Variants in FAM110B observed in about 807,000 individuals in gnomAD.
FAM110B encodes family with sequence similarity 110 member B.
Under a neutral mutation model 20.4 loss-of-function variants are expected in FAM110B, and 6 were observed. That is an observed-to-expected ratio of 0.29 (90% CI 0.16 to 0.58). The LOEUF is 0.58. FAM110B is among the 20% of genes least tolerant of loss of function. The pLI is 0.90. For synonymous variants in FAM110B, 226 were observed against 214.1 expected, an observed-to-expected ratio of 1.06 and a Z score of -0.49; for missense variants, 434 against 498.2, an observed-to-expected ratio of 0.87 and a Z score of 1.23.
rs1803885904 is a variant in FAM110B at position 58,147,087 on chromosome 8, A to C, written c.857A>C (p.Glu286Ala). ...RFFNYCGLDPEELENLGMENF... is the reference protein window; with the variant it reads ...RFFNYCGLDPAELENLGMENF... ...TTCAACTACTGTGGACTGGACCCGG[A>C]AGAGCTGGAAAACCTGGGAATGGAA... Residue 286 changes from glutamate to alanine, a missense_variant, in exon 4 of 4, where the codon GAA (glutamate) becomes GCA (alanine). Coordinates refer to ENST00000519262, the MANE Select transcript of FAM110B (RefSeq NM_001377989.1). 1 of 1,614,056 alleles carries C rather than the reference A, an allele frequency of 6.2e-7. No homozygotes were observed. The highest frequency in any genetic ancestry group is 1.3e-5 in the African/African-American group (1 of 74,916).
At chr8:58,099,360 A>G (rs1806720030) in intron 3 of FAM110B, among the ~76,000 whole-genome samples, 1 of 152,208 alleles carries the variant, frequency 6.6e-6, no homozygotes, top group Non-Finnish European at 1.5e-5. Context: ...AATTTAAAAA[A>G]AAAAATCAAA....
intron 2 of FAM110B, among the ~76,000 whole-genome samples, chr8:58,056,540 G>A (rs1300394606): frequency 3.3e-5 from 5 of 152,090 alleles, no homozygotes; most frequent in Non-Finnish European, 7.4e-5. Context: ...CTTCATGAAG[G>A]CATAATTCAT....
At chr8:58,103,679 G>A (rs1052996125) in intron 3 of FAM110B, among the ~76,000 whole-genome samples, 1 of 152,014 alleles carries the variant, frequency 6.6e-6, no homozygotes, top group East Asian at 1.9e-4. Flanking sequence ...TTCTAACCTG[G>A]CATTCCATAC....
chr8:58,055,148 A>T (rs1010219711), intron 2 of FAM110B, among the ~76,000 whole-genome samples: 2 of 152,166 alleles, frequency 1.3e-5, no homozygotes, highest in African/African-American at 4.8e-5. Flanking sequence ...GAGGACATCA[A>T]CCCAGGGCAG....
intron 3 of FAM110B, among the ~76,000 whole-genome samples, chr8:58,108,310 A>G (rs899432888): frequency 1.3e-5 from 2 of 152,214 alleles, no homozygotes; most frequent in African/African-American, 4.8e-5. Flanking sequence ...ATTTTCATCT[A>G]TGAACAAGGG....
chr8:58,004,358 A>G (rs1456417593), intron 1 of FAM110B, among the ~76,000 whole-genome samples: 1 of 152,282 alleles, frequency 6.6e-6, no homozygotes, highest in Non-Finnish European at 1.5e-5. Context: ...CAATGATCTT[A>G]GCTCCATATT....
At chr8:58,081,287 A>G (rs1035978142) in intron 3 of FAM110B, among the ~76,000 whole-genome samples, 7 of 152,150 alleles carry the variant, frequency 4.6e-5, no homozygotes, top group Admixed American at 2.6e-4. Context: ...GCTTACTCCA[A>G]CCTCTGCATC....
intron 1 of FAM110B, among the ~76,000 whole-genome samples, chr8:58,006,913 A>ATTTT (rs1563494723): frequency 1.1e-5 from 1 of 94,570 alleles, no homozygotes; most frequent in Non-Finnish European, 2.2e-5. Context: ...ATATATATAT[A>ATTTT]TATATATATA....
chr8:58,002,562 A>G (rs114784019), intron 1 of FAM110B, among the ~76,000 whole-genome samples: 1,597 of 152,282 alleles, frequency 0.01, 28 homozygotes, highest in African/African-American at 0.036. Flanking sequence ...CACAATGAAG[A>G]CAGTATCTAC....
chr8:58,128,335 T>G (rs1052567687), intron 3 of FAM110B, among the ~76,000 whole-genome samples: 1 of 152,160 alleles, frequency 6.6e-6, no homozygotes, highest in Admixed American at 6.5e-5. Context: ...CTAGGGGTCT[T>G]AGGGCCTTCT....
intron 1 of FAM110B, among the ~76,000 whole-genome samples, 183 bp downstream of exon 1, chr8:57,994,989 G>A (rs1272093481): frequency 6.6e-6 from 1 of 152,128 alleles, no homozygotes; most frequent in Admixed American, 6.5e-5. Flanking sequence ...GTTGAGCCCG[G>A]CCTCACTGGC....
chr8:58,146,167 T>C lies in FAM110B; in HGVS notation c.-64T>C. ...TTGGCGCTTCATGTACATGTGTCTA[T>C]TCAGGCCTTGCGGAGGCGCCCAGAA... On this transcript the variant is annotated 5_prime_UTR_variant, in exon 4 of 4. Transcript: ENST00000519262. The C allele has an allele frequency of 6.5e-7, 1 of 1,528,224 alleles. No individual in the cohort carries two copies. The highest frequency in any genetic ancestry group is 8.8e-7 in the Non-Finnish European group (1 of 1,137,612). The allele number at this position is 1,528,224 out of a possible 1,614,324, so 94.7% of individuals were successfully genotyped here.
chr8:58,086,659 T>C (rs1041115943), intron 3 of FAM110B, among the ~76,000 whole-genome samples: 18 of 152,204 alleles, frequency 1.2e-4, no homozygotes, highest in African/African-American at 4.1e-4. Context: ...GCTACTTCTG[T>C]TGTAAATTTG....
At chr8:58,035,183 T>C (rs572341507) in intron 2 of FAM110B, among the ~76,000 whole-genome samples, 10 of 152,358 alleles carry the variant, frequency 6.6e-5, no homozygotes, top group African/African-American at 2.4e-4. Flanking sequence ...GTAGTAATTA[T>C]TTTGTTCTCT....
intron 3 of FAM110B, among the ~76,000 whole-genome samples, chr8:58,094,357 C>T (rs980828293): frequency 6.6e-6 from 1 of 152,134 alleles, no homozygotes; most frequent in Non-Finnish European, 1.5e-5. Flanking sequence ...CCAGTTTTTG[C>T]CCATTCAGTA....
intron 3 of FAM110B, among the ~76,000 whole-genome samples, chr8:58,129,310 G>A (rs1311528242): frequency 1.3e-5 from 2 of 152,182 alleles, no homozygotes; most frequent in African/African-American, 2.4e-5. Context: ...AATTAACAAG[G>A]TGATTACTGA....
chr8:58,090,631 T>C (rs903051074), intron 3 of FAM110B, among the ~76,000 whole-genome samples: 1 of 152,178 alleles, frequency 6.6e-6, no homozygotes, highest in South Asian at 2.1e-4. Context: ...GATTTTCAAC[T>C]GCATGGGGTG....
chr8:58,001,905 G>A (rs1804304164), intron 1 of FAM110B, among the ~76,000 whole-genome samples: 1 of 152,126 alleles, frequency 6.6e-6, no homozygotes, highest in East Asian at 1.9e-4. Flanking sequence ...ACATGATTAT[G>A]GAGGCTGAGA....
chr8:58,130,323 G>T (rs182537962), intron 3 of FAM110B, among the ~76,000 whole-genome samples: 1 of 152,052 alleles, frequency 6.6e-6, no homozygotes, highest in Non-Finnish European at 1.5e-5. Flanking sequence ...ATATATTGCC[G>T]CCTCTACGAT....
Sources: gnomAD v4.1 joint callset for allele counts (sites outside exome capture counted in the v4.1 genomes callset) on GRCh38, gnomAD v4.1.1 for gene constraint, MANE v1.5 for transcripts, NCBI Gene and HGNC (gene_info 2026-07-23, HGNC 2026-07-21) for gene names.